NAV2: variants seen among roughly 807,000 people sequenced by gnomAD.
NAV2 encodes the protein neuron navigator 2, also known as helicase, APC down-regulated 1.
NAV2 carries 54 observed loss-of-function variants against 223.2 expected under a neutral mutation model. The observed-to-expected ratio is 0.24, with a 90% CI of 0.19 to 0.30. The LOEUF (loss-of-function observed/expected upper bound fraction) is 0.30. Ranked by LOEUF, NAV2 falls within the 10% of genes least tolerant of loss-of-function variation. The pLI is 1.00. For missense variants in NAV2, 2,806 were observed against 3,147.5 expected, an observed-to-expected ratio of 0.89 and a Z score of 2.60; for synonymous variants, 1,279 against 1,239.3, an observed-to-expected ratio of 1.03 and a Z score of -0.67.
rs145171062 is a variant in NAV2 at position 20,048,987 on chromosome 11, G to A, written c.4162G>A (p.Ala1388Thr). The A allele has an allele frequency of 6.3e-4, 1,013 of 1,614,086 alleles. 2 individuals are homozygous for A. Among genetic ancestry groups the A allele is most frequent in the Non-Finnish European group, 8.0e-4 (943 of 1,180,016 alleles). ...PSNSLTWGTN[A>T]SSSSAVSKDG... ...CAACAGCCTCACCTGGGGCACCAAC[G>A]CCAGCAGCTCCTCCGCAGTTAGCAA... The change falls in exon 15 of 38, where the codon GCC (alanine) becomes ACC (threonine). Residue 1388 changes from alanine (A) to threonine (T), a missense_variant. Transcript: ENST00000349880.
chr11:19,845,688 A>G (rs1183094828), intron 3 of NAV2, among the ~76,000 whole-genome samples: 1 of 151,778 alleles, frequency 6.6e-6, no homozygotes, highest in Non-Finnish European at 1.5e-5. Context: ...CCCTCCCTTC[A>G]CTCTTCCTAA....
intron 1 of NAV2, among the ~76,000 whole-genome samples, chr11:19,399,787 A>C (rs945444915): frequency 1.3e-5 from 2 of 152,208 alleles, no homozygotes; most frequent in Admixed American, 6.5e-5. Flanking sequence ...CCTGACTCTG[A>C]AGTTAGCTAG....
At chr11:19,395,256 A>G (rs1325841053) in intron 1 of NAV2, among the ~76,000 whole-genome samples, 1 of 152,242 alleles carries the variant, frequency 6.6e-6, no homozygotes, top group Non-Finnish European at 1.5e-5. Context: ...TCATGCAGAT[A>G]TTTGTCAGGG....
chr11:19,872,334 C>T lies in NAV2; in HGVS notation c.511+3337C>T, dbSNP rs369816212. On this transcript the variant is annotated intron_variant, in intron 4 of 37. Coordinates refer to ENST00000349880, the MANE Select transcript of NAV2 (RefSeq NM_145117.5). The stretch of plus-strand genomic sequence containing the variant: ...CAGTATTAGTATTATCCCCCTCATG[C>T]AGATGAGCAAACCAAGGCCCAAAGA... 2.0e-5 allele frequency among the ~76,000 whole-genome samples: 3 copies of T among 152,164 alleles called. No homozygotes were observed. The South Asian group carries it at 6.2e-4, about 32-fold the overall frequency.
intron 1 of NAV2, among the ~76,000 whole-genome samples, chr11:19,396,420 C>T (rs1045186123): frequency 6.6e-6 from 1 of 152,124 alleles, no homozygotes; most frequent in African/African-American, 2.4e-5. Flanking sequence ...AACATACAAC[C>T]CATGAGGGTG....
chr11:19,975,743 T>C (rs2049666895), intron 10 of NAV2, among the ~76,000 whole-genome samples: 1 of 152,196 alleles, frequency 6.6e-6, no homozygotes, highest in Admixed American at 6.5e-5. Flanking sequence ...AGACAAGTCT[T>C]GCAATGTAGA....
At chr11:20,023,170 G>A (rs2054666230) in intron 11 of NAV2, 3 of 1,545,014 alleles carry the variant, frequency 1.9e-6, no homozygotes, top group Non-Finnish European at 2.6e-6. Context: ...GCCAGGGGGT[G>A]GGTGTGGTGC....
At chr11:19,828,144 A>T (rs2059744123) in intron 1 of NAV2, among the ~76,000 whole-genome samples, 1 of 151,858 alleles carries the variant, frequency 6.6e-6, no homozygotes, top group Non-Finnish European at 1.5e-5. Flanking sequence ...ACAGAGTGAG[A>T]CCTTGACTCT....
chr11:19,515,641 A>G (rs2043422652), intron 1 of NAV2, among the ~76,000 whole-genome samples: 1 of 152,234 alleles, frequency 6.6e-6, no homozygotes. Flanking sequence ...TTGACAACCC[A>G]GAGTACAAAA....
At chr11:19,676,457 G>C (rs1205220004) in intron 1 of NAV2, among the ~76,000 whole-genome samples, 4 of 148,078 alleles carry the variant, frequency 2.7e-5, no homozygotes, top group Non-Finnish European at 6.0e-5. Flanking sequence ...ATTGAAGTCA[G>C]TGTTTCCCTC....
At chr11:20,055,462 T>C (rs1265895687) in intron 18 of NAV2, among the ~76,000 whole-genome samples, 1 of 152,120 alleles carries the variant, frequency 6.6e-6, no homozygotes, top group Non-Finnish European at 1.5e-5. Context: ...TTAGAGAAAA[T>C]CATTCCAGAT....
At chr11:19,989,260 G>C (rs1253658463) in intron 11 of NAV2, among the ~76,000 whole-genome samples, 3 of 152,194 alleles carry the variant, frequency 2.0e-5, no homozygotes, top group African/African-American at 4.8e-5. Context: ...CCTCAAAAGT[G>C]AAAGAGGGAG....
In NAV2 at chr11:20,045,160, G is replaced by T; in HGVS notation, c.3392G>T (p.Gly1131Val). ...AAGAAGCAGAGTGGTTCCGCCGCCG[G>T]CCTGGCCATGATCACAGCCAGCGGG... ...GFKKQSGSAA[G>V]LAMITASGVT... Residue 1131 changes from glycine (G) to valine (V), a missense_variant, in exon 14 of 38, where the codon GGC becomes GTC. Around this residue, in one of 4 missense-constraint regions of NAV2, gnomAD observed 742 missense variants for 777.9 expected, o/e 0.95. Transcript: ENST00000349880. The T allele has an allele frequency of 6.2e-7, 1 of 1,614,134 alleles. No homozygotes were observed. The highest frequency in any genetic ancestry group is 8.5e-7 in the Non-Finnish European group (1 of 1,180,006).
intron 21 of NAV2, 29 bp downstream of exon 21, chr11:20,068,238 C>T: frequency 6.2e-7 from 1 of 1,613,400 alleles, no homozygotes; most frequent in Non-Finnish European, 8.5e-7. Context: ...GTTGGATTTC[C>T]TCTTTAAGTA....
rs370862909 is a variant in NAV2 at position 19,811,124 on chromosome 11, C to T, written c.268-21360C>T. ...TATCGAACTCTTCCTACATGCTAAA[C>T]GGCTGTCTAGTTGCTTTCTAAATAT... On this transcript the variant is annotated intron_variant, in intron 1 of 37. Coordinates refer to ENST00000349880, the MANE Select transcript of NAV2 (RefSeq NM_145117.5). 3.6e-3 allele frequency among the ~76,000 whole-genome samples: 551 copies of T among 152,308 alleles called. 1 individual carries two copies. Among genetic ancestry groups the T allele is most frequent in the African/African-American group, 0.013 (524 of 41,570 alleles).
At chr11:19,497,307 A>C (rs1028435604) in intron 1 of NAV2, among the ~76,000 whole-genome samples, 6 of 152,246 alleles carry the variant, frequency 3.9e-5, no homozygotes, top group African/African-American at 1.4e-4. Flanking sequence ...GTGCCGTATA[A>C]GAATTTGTGA....
At chr11:19,732,375 C>G (rs927682026) in intron 1 of NAV2, among the ~76,000 whole-genome samples, 2 of 152,164 alleles carry the variant, frequency 1.3e-5, no homozygotes, top group African/African-American at 2.4e-5. Flanking sequence ...GTTTTCTCCC[C>G]TGTAAAATGG....
At chr11:19,668,987 G>T (rs2048504447) in intron 1 of NAV2, among the ~76,000 whole-genome samples, 1 of 152,170 alleles carries the variant, frequency 6.6e-6, no homozygotes, top group Admixed American at 6.5e-5. Context: ...CTCTTGGGAT[G>T]CCAGCAAAAT....
intron 35 of NAV2, 176 bp from the exon 36 acceptor site, chr11:20,107,488 T>A (rs1371348098): frequency 1.6e-6 from 1 of 619,370 alleles, no homozygotes; most frequent in Non-Finnish European, 2.9e-6. Context: ...GGGATCAGAG[T>A]GTCCTTCTCT....
Sources: allele counts gnomAD v4.1 joint callset (sites outside exome capture counted in the v4.1 genomes callset), GRCh38; gene constraint gnomAD v4.1.1; regional missense constraint gnomAD v4.1.1; transcripts MANE v1.5; gene names NCBI Gene and HGNC (gene_info 2026-07-23, HGNC 2026-07-21).